Variants in NAALADL2 observed in about 807,000 individuals in gnomAD.
NAALADL2 encodes inactive N-acetylated-alpha-linked acidic dipeptidase-like protein 2.
Under a neutral mutation model 87.2 loss-of-function variants are expected in NAALADL2, and 76 were observed. The observed-to-expected ratio is 0.87, with a 90% CI of 0.72 to 1.05. NAALADL2 has a LOEUF of 1.05. Among genes scored for constraint, NAALADL2 ranks in the 50% least tolerant of loss-of-function variants. The pLI is 0.00. For synonymous variants in NAALADL2, 354 were observed against 331.0 expected (o/e 1.07, Z -0.75); for missense variants, 1,089 against 945.8 (o/e 1.15, Z -1.99).
At chr3:174,605,233 G>C (rs911144533) in intron 2 of NAALADL2, among the ~76,000 whole-genome samples, 1 of 152,216 alleles carries the variant, frequency 6.6e-6, no homozygotes, top group East Asian at 1.9e-4. Context: ...CCCAGCGTGA[G>C]CAACGCAGAA....
intron 4 of NAALADL2, among the ~76,000 whole-genome samples, chr3:175,282,597 C>A (rs2110088495): frequency 6.6e-6 from 1 of 152,162 alleles, no homozygotes; most frequent in East Asian, 1.9e-4. Flanking sequence ...TGCCCTCCAA[C>A]CCCCACCAAA....
intron 5 of NAALADL2, among the ~76,000 whole-genome samples, chr3:175,379,266 A>G (rs1767512018): frequency 6.6e-6 from 1 of 151,918 alleles, no homozygotes; most frequent in Non-Finnish European, 1.5e-5. Context: ...TGTGAAAAAT[A>G]AAGGAGTTAA....
intron 2 of NAALADL2, among the ~76,000 whole-genome samples, chr3:174,621,356 A>T (rs1342153466): frequency 1.3e-5 from 2 of 152,124 alleles, no homozygotes; most frequent in Admixed American, 1.3e-4. Context: ...TAGCAGTTGG[A>T]TCATTTTCTG....
intron 1 of NAALADL2, among the ~76,000 whole-genome samples, chr3:175,093,040 G>C (rs1046818412): frequency 6.6e-6 from 1 of 151,630 alleles, no homozygotes; most frequent in African/African-American, 2.4e-5. Context: ...AATTATTCAT[G>C]CAGATTATAA....
intron 1 of NAALADL2, among the ~76,000 whole-genome samples, chr3:175,068,792 T>A (rs1269514591): frequency 6.6e-6 from 1 of 152,146 alleles, no homozygotes; most frequent in Non-Finnish European, 1.5e-5. Flanking sequence ...AATAACCATC[T>A]GGGACGCAAC....
At chr3:175,360,405 T>C (rs1455126309) in intron 5 of NAALADL2, among the ~76,000 whole-genome samples, 1 of 152,096 alleles carries the variant, frequency 6.6e-6, no homozygotes, top group Non-Finnish European at 1.5e-5. Context: ...TGTTTCCCTC[T>C]TTCTTTCTCT....
intron 9 of NAALADL2, among the ~76,000 whole-genome samples, chr3:175,528,515 C>G (rs983616531): frequency 2.6e-5 from 4 of 151,986 alleles, no homozygotes; most frequent in Non-Finnish European, 4.4e-5. Context: ...TCAGACCCAC[C>G]CAGGATCAAC....
chr3:174,682,656 A>G (rs1001482883), intron 2 of NAALADL2, among the ~76,000 whole-genome samples: 1 of 152,354 alleles, frequency 6.6e-6, no homozygotes, highest in South Asian at 2.1e-4. Context: ...AGGTGGTACT[A>G]TAAGTCTGCA....
Position 175,096,981 on chromosome 3 carries a change from A to C in NAALADL2, c.235A>C (p.Thr79Pro). The change falls in exon 2 of 14, where the codon ACT becomes CCT. Residue 79 changes from threonine (T) to proline (P), a missense_variant. Thr to Pro is a conservative substitution (Grantham distance 38). Coordinates refer to ENST00000454872, the MANE Select transcript of NAALADL2 (RefSeq NM_207015.3). ...AENQNLGHSE[T>P]IDLNLDSIQP... ...GAATCAGAACCTAGGGCATTCAGAG[A>C]CTATAGACCTCAATCTTGATTCCAT... 1 of 1,613,380 alleles carries C rather than the reference A, an allele frequency of 6.2e-7. No individual in the cohort carries two copies. Among genetic ancestry groups the C allele is most frequent in the Non-Finnish European group, 8.5e-7 (1 of 1,179,646 alleles).
chr3:174,506,894 T>G (rs1204186177), intron 1 of NAALADL2, among the ~76,000 whole-genome samples: 2 of 151,968 alleles, frequency 1.3e-5, no homozygotes, highest in Non-Finnish European at 2.9e-5. Flanking sequence ...GGCCTCTTTT[T>G]CTTATTTCTA....
chr3:174,773,032 C>A (rs1342920045), intron 3 of NAALADL2, among the ~76,000 whole-genome samples: 2 of 152,086 alleles, frequency 1.3e-5, no homozygotes, highest in Non-Finnish European at 2.9e-5. Flanking sequence ...ATAGTGAGAA[C>A]AAAAATAATG....
intron 2 of NAALADL2, among the ~76,000 whole-genome samples, chr3:174,595,740 G>A (rs1372703314): frequency 1.3e-5 from 2 of 152,212 alleles, no homozygotes; most frequent in African/African-American, 4.8e-5. Context: ...GCTGGGTGCG[G>A]TGGCTCATGC....
chr3:174,861,898 ATT>A (rs34752493), intron 1 of NAALADL2, among the ~76,000 whole-genome samples: 23,890 of 145,258 alleles, frequency 0.16, 2,297 homozygotes, highest in African/African-American at 0.27. Context: ...TTGAGAACCC[ATT>A]TTTTTTTTTT....
intron 9 of NAALADL2, among the ~76,000 whole-genome samples, chr3:175,550,308 C>T (rs1714135067): frequency 6.6e-6 from 1 of 151,740 alleles, no homozygotes; most frequent in African/African-American, 2.4e-5. Flanking sequence ...ACACTGGAGA[C>T]CTGGATATGA....
intron 5 of NAALADL2, among the ~76,000 whole-genome samples, chr3:175,428,787 A>G (rs951179557): frequency 1.3e-5 from 2 of 152,056 alleles, no homozygotes; most frequent in African/African-American, 4.8e-5. Flanking sequence ...GATATATCAT[A>G]AACAAGCTTT....
intron 1 of NAALADL2, among the ~76,000 whole-genome samples, chr3:174,968,073 T>C (rs904235363): frequency 6.6e-6 from 1 of 152,234 alleles, no homozygotes; most frequent in African/African-American, 2.4e-5. Context: ...AGGAGTATTG[T>C]AGACTACTGT....
At chr3:174,800,619 GC>G (rs1000757780) in intron 3 of NAALADL2, among the ~76,000 whole-genome samples, 82 of 152,242 alleles carry the variant, frequency 5.4e-4, no homozygotes, top group Middle Eastern at 6.8e-3. Context: ...CTGGGGCACC[GC>G]CTAGTAGAGC....
intron 11 of NAALADL2, among the ~76,000 whole-genome samples, chr3:175,649,395 A>G (rs1014525757): frequency 2.1e-4 from 31 of 146,796 alleles, no homozygotes; most frequent in African/African-American, 5.9e-4. Flanking sequence ...TAACTGTCCC[A>G]TAAGTGTCTC....
intron 1 of NAALADL2, among the ~76,000 whole-genome samples, chr3:175,016,127 G>A (rs79291984): frequency 0.023 from 3,486 of 151,230 alleles, 55 homozygotes; most frequent in Non-Finnish European, 0.034. Context: ...GCAAGTTATT[G>A]TATCATGTAT....
Sources: allele counts gnomAD v4.1 joint callset (sites outside exome capture counted in the v4.1 genomes callset), GRCh38; gene constraint gnomAD v4.1.1; transcripts MANE v1.5; gene names NCBI Gene and HGNC (gene_info 2026-07-23, HGNC 2026-07-21).